The following PPP1R13B variants were observed in gnomAD, a reference collection of about 807,000 sequenced individuals.
PPP1R13B encodes apoptosis-stimulating of p53 protein 1.
Under a neutral mutation model 119.8 loss-of-function variants are expected in PPP1R13B, and 44 were observed. That is an observed-to-expected ratio of 0.37 (90% CI 0.29 to 0.47). The LOEUF (loss-of-function observed/expected upper bound fraction) is 0.47. Ranked by LOEUF, PPP1R13B falls within the 20% of genes least tolerant of loss-of-function variation. The probability of loss-of-function intolerance (pLI) is 0.99; values close to 1 mark genes in which losing one functional copy is unlikely to be tolerated. For synonymous variants in PPP1R13B, 542 were observed against 561.5 expected (o/e 0.97, Z 0.49); for missense variants, 1,227 against 1,413.5 (o/e 0.87, Z 2.12).
chr14:103,772,412 A>T (rs2085093393), intron 4 of PPP1R13B, among the ~76,000 whole-genome samples: 1 of 152,202 alleles, frequency 6.6e-6, no homozygotes, highest in South Asian at 2.1e-4. Context: ...TCAAACTACC[A>T]AATTATTTTC....
At chr14:103,848,435 C>T (rs2087125871), upstream of PPP1R13B, 2 of 985,360 alleles carry the variant, frequency 2.0e-6, no homozygotes, top group African/African-American at 1.7e-5. Context: ...TGAGCAGACC[C>T]TCAGTAAAGG....
At chr14:103,786,766 C>CAAAAA (rs1174732049) in intron 2 of PPP1R13B, among the ~76,000 whole-genome samples, 701 of 44,558 alleles carry the variant, frequency 0.016, 88 homozygotes, top group Middle Eastern at 0.025. Flanking sequence ...AACTCTGTCT[C>CAAAAA]AAAAAAAAAA....
intron 1 of PPP1R13B, among the ~76,000 whole-genome samples, chr14:103,836,753 G>C (rs910450782): frequency 1.4e-5 from 2 of 142,588 alleles, no homozygotes; most frequent in African/African-American, 2.6e-5. Context: ...CTGGGCAACA[G>C]AGCAAGAGTC....
intron 2 of PPP1R13B, among the ~76,000 whole-genome samples, chr14:103,789,560 G>C (rs1268410912): frequency 6.7e-6 from 1 of 149,734 alleles, no homozygotes; most frequent in Admixed American, 6.7e-5. Flanking sequence ...TCGTGCCCAG[G>C]CTAGAGTACA....
At chr14:103,790,438 G>A (rs967789371) in intron 2 of PPP1R13B, among the ~76,000 whole-genome samples, 2 of 152,048 alleles carry the variant, frequency 1.3e-5, no homozygotes, top group African/African-American at 4.8e-5. Context: ...TTTGAGAAGC[G>A]ATTAGGTCAT....
intron 1 of PPP1R13B, among the ~76,000 whole-genome samples, chr14:103,820,215 C>T (rs958353132): frequency 6.6e-6 from 1 of 152,174 alleles, no homozygotes; most frequent in African/African-American, 2.4e-5. Flanking sequence ...CTCACCACCC[C>T]ACCAGGTCCA....
chr14:103,848,593 C>T (rs765043188), upstream of PPP1R13B: 89 of 732,924 alleles, frequency 1.2e-4, no homozygotes, highest in Non-Finnish European at 1.4e-4. Flanking sequence ...GCGGATGGCC[C>T]CAGACACAGA....
chr14:103,754,210 C>T lies in PPP1R13B; in HGVS notation c.491G>A (p.Arg164His), dbSNP rs201621603. The T allele has an allele frequency of 5.9e-5, 96 of 1,613,638 alleles. No homozygotes were observed. Among genetic ancestry groups the T allele is most frequent in the South Asian group, 3.4e-4 (31 of 90,984 alleles). The change falls in exon 6 of 17, where the codon CGC becomes CAC. Residue 164 changes from arginine to histidine, a missense_variant. Coordinates refer to ENST00000202556, the MANE Select transcript of PPP1R13B (RefSeq NM_015316.3). The part of the protein sequence containing the change: ...QRLHFLKQQE[R>H]RQQQSISENE... ...TTCAGAAATAGACTGCTGCTGACGGCGCTCCTGTTGCTTTAGAAAATGTAA... is the reference window on the plus strand; with the variant it reads ...TTCAGAAATAGACTGCTGCTGACGGTGCTCCTGTTGCTTTAGAAAATGTAA...
intron 1 of PPP1R13B, among the ~76,000 whole-genome samples, chr14:103,824,304 A>G (rs2086485140): frequency 6.7e-6 from 1 of 150,002 alleles, no homozygotes; most frequent in African/African-American, 2.4e-5. Flanking sequence ...TCGGCCTCCC[A>G]AAGTGCTGGG....
intron 16 of PPP1R13B, 65 bp from the exon 17 acceptor site, chr14:103,735,260 C>T (rs373129261): frequency 2.6e-5 from 41 of 1,547,288 alleles, no homozygotes; most frequent in East Asian, 2.0e-4. Context: ...CAGCCAGACC[C>T]GACCCCTGCT....
chr14:103,809,355 T>C (rs1208587401), intron 1 of PPP1R13B, among the ~76,000 whole-genome samples: 2 of 152,220 alleles, frequency 1.3e-5, no homozygotes, highest in Non-Finnish European at 2.9e-5. Flanking sequence ...ATTTACTTAG[T>C]ATATAGTCCC....
chr14:103,848,098 G>A (rs1245167499), upstream of PPP1R13B, among the ~76,000 whole-genome samples: 2 of 151,952 alleles, frequency 1.3e-5, no homozygotes, highest in Non-Finnish European at 2.9e-5. Flanking sequence ...ACCCGAGGCC[G>A]CGCGCTCGGA....
At chr14:103,847,801 G>A (rs1157475429), upstream of PPP1R13B, 24 of 214,080 alleles carry the variant, frequency 1.1e-4, no homozygotes, top group Non-Finnish European at 1.8e-4. Context: ...AGTGGGCACC[G>A]GTGGCCTCCC....
At chr14:103,758,623 C>T (rs762760373) in intron 4 of PPP1R13B, among the ~76,000 whole-genome samples, 1 of 152,172 alleles carries the variant, frequency 6.6e-6, no homozygotes, top group South Asian at 2.1e-4. Context: ...TTATGTGAGC[C>T]CCCACTCTGG....
chr14:103,770,339 C>A (rs962708689), intron 4 of PPP1R13B, among the ~76,000 whole-genome samples: 3 of 152,084 alleles, frequency 2.0e-5, no homozygotes, highest in African/African-American at 7.2e-5. Flanking sequence ...CATGGTGAAA[C>A]CCTGTTCTCC....
rs191487320 is a variant in PPP1R13B, at chr14:103,804,830, T to C, written c.10-7312A>G. ...GGATGTGGAGAAACTGAAACCTTCA[T>C]ATATTGGTGATGAAGATGTAAAATG... On this transcript the variant is annotated intron_variant, in intron 1 of 16. Coordinates refer to ENST00000202556, the MANE Select transcript of PPP1R13B (RefSeq NM_015316.3). Among the ~76,000 whole-genome samples the C allele has an allele frequency of 2.1e-3, 319 of 152,218 alleles. 1 individual carries two copies. Among genetic ancestry groups the C allele is most frequent in the African/African-American group, 7.5e-3 (313 of 41,524 alleles).
intron 3 of PPP1R13B, among the ~76,000 whole-genome samples, chr14:103,780,312 C>A (rs2085306670): frequency 6.6e-6 from 1 of 151,302 alleles, no homozygotes; most frequent in African/African-American, 2.4e-5. Flanking sequence ...AGCGTGAAAC[C>A]CTATCTTTAC....
At chr14:103,747,334 T>C (rs1422146099) in intron 8 of PPP1R13B, 1 of 152,074 alleles carries the variant, frequency 6.6e-6, no homozygotes, top group Non-Finnish European at 1.5e-5. Flanking sequence ...GACCTTTGGG[T>C]GGAGACGCAT....
In PPP1R13B at chr14:103,739,895, G is replaced by A. The variant is rs756555688; in HGVS notation, c.2521C>T (p.Pro841Ser). Residue 841 changes from proline (P) to serine (S), a missense_variant, in exon 12 of 17, where the codon CCA becomes TCA. By Grantham distance (74) the Pro-to-Ser change is moderately conservative. Transcript: ENST00000202556. ...EQIPSPVAEA[P>S]SPGEEQVPPA... ...GGGACCTGCTCTTCCCCTGGAGATG[G>A]GGCCTCAGCCACAGGACTCGGGATC... The A allele has an allele frequency of 8.1e-6, 13 of 1,613,850 alleles. No individual in the cohort carries two copies. The East Asian group carries it at 2.9e-4, about 36-fold the overall frequency.
Sources: gnomAD v4.1 joint callset for allele counts (sites outside exome capture counted in the v4.1 genomes callset) on GRCh38, gnomAD v4.1.1 for gene constraint, MANE v1.5 for transcripts, NCBI Gene and HGNC (gene_info 2026-07-23, HGNC 2026-07-21) for gene names.